Variants in ARHGEF28 observed in about 807,000 individuals in gnomAD.
The protein encoded by ARHGEF28 is 190 kDa guanine nucleotide exchange factor.
Under a neutral mutation model 206.6 loss-of-function variants are expected in ARHGEF28, and 152 were observed. The ratio of observed to expected loss-of-function variants is 0.74; its 90% CI spans 0.64 to 0.84. The LOEUF is 0.84. Ranked by LOEUF, ARHGEF28 falls within the 40% of genes least tolerant of loss-of-function variation. The probability of loss-of-function intolerance (pLI) is 0.00; values close to 1 mark genes in which losing one functional copy is unlikely to be tolerated. For synonymous variants in ARHGEF28, 763 were observed against 776.4 expected, an observed-to-expected ratio of 0.98 and a Z score of 0.29; for missense variants, 2,028 against 2,073.2, an observed-to-expected ratio of 0.98 and a Z score of 0.42.
chr5:73,774,806 G>C lies in ARHGEF28; in HGVS notation c.659+768G>C, dbSNP rs577826278. On this transcript the variant is annotated intron_variant, in intron 5 of 35. Coordinates refer to ENST00000513042, the MANE Select transcript of ARHGEF28 (RefSeq NM_001177693.2). ...GTGGTAAAAAACCAAAGTATAAATGGGAAAGTATGTTGAAAATTACAACAT... is the reference window on the plus strand; with the variant it reads ...GTGGTAAAAAACCAAAGTATAAATGCGAAAGTATGTTGAAAATTACAACAT... Among the ~76,000 whole-genome samples the C allele has an allele frequency of 4.6e-5, 7 of 152,086 alleles. No homozygotes were observed. The South Asian group carries it at 1.2e-3, about 27-fold the overall frequency.
intron 35 of ARHGEF28, among the ~76,000 whole-genome samples, chr5:73,918,166 T>C (rs969970525): frequency 6.6e-6 from 1 of 152,210 alleles, no homozygotes; most frequent in African/African-American, 2.4e-5. Flanking sequence ...CCATCTGTCT[T>C]AGGGGGTGGC....
rs1561484140 is a variant in ARHGEF28 at position 73,883,900 on chromosome 5, T to A, written c.3055+16T>A. ...TACACAAAGGGTAAGTTGTGACTTC[T>A]GGGATAAAAATTTGCCCCTCTTATT... is the stretch of plus-strand genomic sequence containing the variant. On this transcript the variant is annotated intron_variant, in intron 24 of 35. Transcript: ENST00000513042. 9.5e-6 allele frequency: 14 copies of A among 1,472,382 alleles called. No individual in the cohort carries two copies. Among genetic ancestry groups the A allele is most frequent in the Admixed American group, 2.4e-5 (1 of 41,650 alleles). 91.2% of individuals were successfully genotyped at this position (1,472,382 alleles called of 1,614,324 possible). A position where few individuals can be genotyped will look rare whatever the true frequency, so the allele number is the denominator to read the frequency against.
intron 23 of ARHGEF28, 127 bp from the exon 24 acceptor site, chr5:73,883,640 A>T (rs1761089752): frequency 2.0e-6 from 1 of 509,484 alleles, no homozygotes; most frequent in South Asian, 4.3e-5. Flanking sequence ...GCATCGTTTT[A>T]ATTGATAGCA....
At chr5:73,815,348 A>T (rs544813522) in intron 9 of ARHGEF28, among the ~76,000 whole-genome samples, 172 of 152,154 alleles carry the variant, frequency 1.1e-3, no homozygotes, top group South Asian at 0.01. Flanking sequence ...AGCTTTTTTA[A>T]AAAAAATAGT....
intron 2 of ARHGEF28, among the ~76,000 whole-genome samples, chr5:73,693,357 T>C (rs1747967460): frequency 6.6e-6 from 1 of 152,204 alleles, no homozygotes; most frequent in African/African-American, 2.4e-5. Context: ...GGTCTCTCTT[T>C]TCTTTTATCT....
intron 35 of ARHGEF28, among the ~76,000 whole-genome samples, chr5:73,927,236 G>A (rs1763869807): frequency 6.6e-6 from 1 of 152,058 alleles, no homozygotes; most frequent in Non-Finnish European, 1.5e-5. Flanking sequence ...ACTTAGCCAG[G>A]CATGGCGGAG....
chr5:73,854,958 A>T (rs997017648), intron 14 of ARHGEF28, among the ~76,000 whole-genome samples: 1 of 152,198 alleles, frequency 6.6e-6, no homozygotes, highest in African/African-American at 2.4e-5. Flanking sequence ...ATGTCTATTT[A>T]CCTATTGAAA....
intron 2 of ARHGEF28, among the ~76,000 whole-genome samples, chr5:73,699,771 C>A (rs1453391082): frequency 1.3e-5 from 2 of 152,140 alleles, no homozygotes; most frequent in Non-Finnish European, 2.9e-5. Flanking sequence ...CTTTTGAGAA[C>A]AGACAACCAT....
At chr5:73,815,872 T>A (rs572838091) in intron 9 of ARHGEF28, among the ~76,000 whole-genome samples, 1 of 152,312 alleles carries the variant, frequency 6.6e-6, no homozygotes, top group South Asian at 2.1e-4. Context: ...TGATAAAAGA[T>A]GAGTGAAAAT....
chr5:73,704,338 T>C (rs945504758), intron 2 of ARHGEF28, among the ~76,000 whole-genome samples: 1 of 152,162 alleles, frequency 6.6e-6, no homozygotes, highest in African/African-American at 2.4e-5. Flanking sequence ...AAAGACCAAA[T>C]AGCCTGTCTA....
intron 4 of ARHGEF28, among the ~76,000 whole-genome samples, chr5:73,762,466 A>C (rs867869533): frequency 0.022 from 3,376 of 151,374 alleles, 138 homozygotes; most frequent in African/African-American, 0.077. Context: ...AAAAAAAAAA[A>C]AAAAAAAAAC....
At chr5:73,838,214 T>A (rs1757778696) in intron 10 of ARHGEF28, among the ~76,000 whole-genome samples, 1 of 151,996 alleles carries the variant, frequency 6.6e-6, no homozygotes, top group South Asian at 2.1e-4. Context: ...GAAATAAAAC[T>A]AAATCTGCAA....
At chr5:73,739,275 G>A (rs1169275271) in intron 2 of ARHGEF28, among the ~76,000 whole-genome samples, 2 of 152,050 alleles carry the variant, frequency 1.3e-5, no homozygotes, top group Non-Finnish European at 2.9e-5. Context: ...CCTCTCCAAT[G>A]TCTTAAAATT....
chr5:73,941,049 G>T lies in ARHGEF28; in HGVS notation c.*36G>T. 1 of 1,423,256 alleles carries T rather than the reference G, an allele frequency of 7.0e-7. No homozygotes were observed. 88.2% of individuals were successfully genotyped at this position (1,423,256 alleles called of 1,614,324 possible). ...ATTTTTCCAAACAAAACAAAACACTGGCACTTTTGGGAGAAACTTTTTGTC... is the reference window on the plus strand; with the variant it reads ...ATTTTTCCAAACAAAACAAAACACTTGCACTTTTGGGAGAAACTTTTTGTC... On this transcript the variant is annotated 3_prime_UTR_variant, in exon 36 of 36. Coordinates refer to ENST00000513042, the MANE Select transcript of ARHGEF28 (RefSeq NM_001177693.2).
At chr5:73,732,384 CT>C (rs1750673086) in intron 2 of ARHGEF28, among the ~76,000 whole-genome samples, 1 of 151,190 alleles carries the variant, frequency 6.6e-6, no homozygotes, top group African/African-American at 2.4e-5. Flanking sequence ...TCCTTCATGT[CT>C]TTTCATGACT....
chr5:73,640,645 G>A (rs560940830), intron 1 of ARHGEF28, among the ~76,000 whole-genome samples: 365 of 152,244 alleles, frequency 2.4e-3, no homozygotes, highest in Middle Eastern at 0.014. Flanking sequence ...AACTTGAGGA[G>A]GGTTTAAATC....
intron 21 of ARHGEF28, among the ~76,000 whole-genome samples, chr5:73,872,479 T>A (rs1318960501): frequency 6.6e-6 from 1 of 152,196 alleles, no homozygotes; most frequent in Non-Finnish European, 1.5e-5. Context: ...TTGATTGTGA[T>A]GCATTGTTTT....
At chr5:73,920,552 T>C (rs966157173) in intron 35 of ARHGEF28, among the ~76,000 whole-genome samples, 1 of 145,620 alleles carries the variant, frequency 6.9e-6, no homozygotes, top group African/African-American at 2.5e-5. Context: ...TAGGTTTTTT[T>C]TTTTTTTTTT....
At chr5:73,688,696 C>A (rs568040470) in intron 2 of ARHGEF28, among the ~76,000 whole-genome samples, 1 of 152,062 alleles carries the variant, frequency 6.6e-6, no homozygotes, top group African/African-American at 2.4e-5. Flanking sequence ...CTCACTCTGT[C>A]TCCAGGCTGG....
Sources: allele counts gnomAD v4.1 joint callset (sites outside exome capture counted in the v4.1 genomes callset), GRCh38; gene constraint gnomAD v4.1.1; transcripts MANE v1.5; gene names NCBI Gene and HGNC (gene_info 2026-07-23, HGNC 2026-07-21).